The following ITIH5 variants were observed in gnomAD, a reference collection of about 807,000 sequenced individuals.
The protein encoded by ITIH5 is inter-alpha-trypsin inhibitor heavy chain H5.
In ITIH5, 65 loss-of-function variants were observed where a neutral mutation model predicts 77.5. The ratio of observed to expected loss-of-function variants is 0.84; its 90% CI spans 0.69 to 1.03. ITIH5 has a LOEUF of 1.03. ITIH5 is among the 50% of genes least tolerant of loss of function. The pLI is 0.00. For synonymous variants in ITIH5, 525 were observed against 494.3 expected (o/e 1.06, Z -0.82); for missense variants, 1,208 against 1,213.1 (o/e 1.00, Z 0.06).
At chr10:7,571,328 C>G (rs768098170) in intron 11 of ITIH5, 6 of 152,148 alleles carry the variant, frequency 3.9e-5, no homozygotes, top group African/African-American at 9.7e-5. Flanking sequence ...AAAATCCACG[C>G]GTCCTCAAGT....
chr10:7,574,855 C>T (rs181799467), intron 10 of ITIH5, among the ~76,000 whole-genome samples: 1 of 150,626 alleles, frequency 6.6e-6, no homozygotes, highest in East Asian at 1.9e-4. Context: ...GTTATCTCCT[C>T]CTCTGTCTTT....
chr10:7,613,781 C>G (rs1833306257), intron 7 of ITIH5, among the ~76,000 whole-genome samples: 1 of 152,174 alleles, frequency 6.6e-6, no homozygotes, highest in South Asian at 2.1e-4. Context: ...TGAGAGGCCG[C>G]ACATCCCCTC....
chr10:7,620,581 G>A (rs949486381), intron 5 of ITIH5: 2 of 151,864 alleles, frequency 1.3e-5, no homozygotes, highest in Admixed American at 1.3e-4. Flanking sequence ...TACCGTTTAT[G>A]GTGTATGTAC....
chr10:7,600,505 C>G (rs1317171140), intron 7 of ITIH5: 2 of 456,610 alleles, frequency 4.4e-6, no homozygotes, highest in Middle Eastern at 3.2e-4. Context: ...CCCGGTCTCT[C>G]CTCCTGGATA....
chr10:7,616,125 C>T (rs753023479), intron 6 of ITIH5, 27 bp from the exon 7 acceptor site: 25 of 1,359,550 alleles, frequency 1.8e-5, no homozygotes, highest in Admixed American at 1.3e-4. Context: ...AAAGTAAAAA[C>T]GGTAGTACCT....
intron 5 of ITIH5, chr10:7,619,344 A>T (rs1833431257): frequency 6.5e-6 from 1 of 153,314 alleles, no homozygotes; most frequent in South Asian, 2.0e-4. Flanking sequence ...AACAGCTGTG[A>T]GACTTTGAGC....
chr10:7,626,267 T>A (rs1238262199), intron 5 of ITIH5, among the ~76,000 whole-genome samples: 1 of 152,202 alleles, frequency 6.6e-6, no homozygotes, highest in African/African-American at 2.4e-5. Context: ...CTCACCGGTA[T>A]TGGGCTACAG....
chr10:7,607,025 G>A (rs1833139576), intron 7 of ITIH5, among the ~76,000 whole-genome samples: 2 of 152,106 alleles, frequency 1.3e-5, no homozygotes, highest in South Asian at 4.1e-4. Flanking sequence ...ACTGTCTTCT[G>A]CTTCCTGCCT....
chr10:7,644,042 A>T (rs1451100481), intron 2 of ITIH5, among the ~76,000 whole-genome samples: 1 of 152,120 alleles, frequency 6.6e-6, no homozygotes, highest in Non-Finnish European at 1.5e-5. Context: ...GGAGTTCAAG[A>T]CCAGTCTGGC....
At position 7,590,508 on chromosome 10, in the gene ITIH5, G is replaced by C. The variant is rs117060915; in HGVS notation, c.940-4439C>G. Among the ~76,000 whole-genome samples the C allele has an allele frequency of 2.6e-3, 399 of 152,344 alleles. 1 individual carries two copies. The highest frequency in any genetic ancestry group is 4.7e-3 in the Non-Finnish European group (322 of 68,026). ...CCCGGCTGTGTGCGTGTGCACGTGT[G>C]ATTTTAAAGGAAGTGGGATCATATA... On this transcript the variant is annotated intron_variant, in intron 7 of 13. Transcript: ENST00000397146.
intron 7 of ITIH5, among the ~76,000 whole-genome samples, chr10:7,601,679 C>T (rs529105210): frequency 4.6e-5 from 7 of 152,242 alleles, no homozygotes; most frequent in Admixed American, 6.5e-5. Flanking sequence ...TGATGGGGAA[C>T]GCCACCACAC....
intron 4 of ITIH5, among the ~76,000 whole-genome samples, chr10:7,639,382 G>A (rs561318896): frequency 3.3e-5 from 5 of 152,310 alleles, no homozygotes; most frequent in Admixed American, 6.5e-5. Context: ...TAAGATAAAC[G>A]TGGAATTTTG....
At chr10:7,652,436 G>A (rs932643200) in intron 2 of ITIH5, among the ~76,000 whole-genome samples, 16 of 152,190 alleles carry the variant, frequency 1.1e-4, no homozygotes, top group Admixed American at 6.5e-4. Context: ...CACGGGTGAT[G>A]TGGAGTCACT....
chr10:7,569,570 G>T, intron 12 of ITIH5, 98 bp downstream of exon 12: 2 of 704,158 alleles, frequency 2.8e-6, no homozygotes, highest in Non-Finnish European at 4.7e-6. Context: ...CGTCTGTAAG[G>T]TGGCCCTTGG....
intron 5 of ITIH5, among the ~76,000 whole-genome samples, chr10:7,635,966 A>G (rs997491013): frequency 6.6e-6 from 1 of 152,094 alleles, no homozygotes; most frequent in Non-Finnish European, 1.5e-5. Flanking sequence ...CTCCACTCTC[A>G]ATGTCACAAT....
rs1250701920 is a variant in ITIH5, at chr10:7,563,161, C to T, written c.2751G>A (p.Gly917=). ...ARNNAAKLID[G]EYKDYLASHP... ...GGGATGCCAGGTAATCCTTGTACTC[C>T]CCGTCAATCAGTTTGGCGGCATTGT... Residue 917 remains glycine (G), a synonymous_variant, in exon 14 of 14, where the codon GGG becomes GGA. Transcript: ENST00000397146. The T allele has an allele frequency of 1.2e-6, 2 of 1,613,996 alleles. No individual in the cohort carries two copies. Among genetic ancestry groups the T allele is most frequent in the South Asian group, 2.2e-5 (2 of 91,076 alleles).
intron 2 of ITIH5, among the ~76,000 whole-genome samples, chr10:7,645,965 C>T (rs1489389077): frequency 1.3e-5 from 2 of 152,048 alleles, no homozygotes; most frequent in East Asian, 3.8e-4. Flanking sequence ...AAAAGAACCC[C>T]AAGGTGAATA....
chr10:7,615,275 G>C (rs1833341487), intron 7 of ITIH5, among the ~76,000 whole-genome samples: 1 of 152,052 alleles, frequency 6.6e-6, no homozygotes, highest in African/African-American at 2.4e-5. Flanking sequence ...AAATAAAATA[G>C]ATAATGAATT....
intron 1 of ITIH5, among the ~76,000 whole-genome samples, chr10:7,665,700 T>C (rs1397582994): frequency 6.6e-6 from 1 of 152,260 alleles, no homozygotes; most frequent in African/African-American, 2.4e-5. Flanking sequence ...TTCCCTGCCC[T>C]GACCAACGAG....
Sources: allele counts gnomAD v4.1 joint callset (sites outside exome capture counted in the v4.1 genomes callset), GRCh38; gene constraint gnomAD v4.1.1; transcripts MANE v1.5; gene names NCBI Gene and HGNC (gene_info 2026-07-23, HGNC 2026-07-21).